The following METTL15 variants were observed in gnomAD, a reference collection of about 807,000 sequenced individuals.
METTL15 encodes 12S rRNA N(4)-cytidine methyltransferase METTL15.
METTL15 carries 34 observed loss-of-function variants against 38.3 expected under a neutral mutation model. The ratio of observed to expected loss-of-function variants is 0.89; its 90% CI spans 0.68 to 1.18. METTL15 has a LOEUF of 1.18. Among genes scored for constraint, METTL15 ranks in the 50% most tolerant of loss-of-function variants. The probability of loss-of-function intolerance (pLI) is 0.00; values close to 1 mark genes in which losing one functional copy is unlikely to be tolerated. For missense variants in METTL15, 438 were observed against 498.4 expected, an observed-to-expected ratio of 0.88 and a Z score of 1.15; for synonymous variants, 162 against 170.9, an observed-to-expected ratio of 0.95 and a Z score of 0.41.
chr11:28,270,369 A>G (rs1358287545), intron 4 of METTL15, among the ~76,000 whole-genome samples: 1 of 152,218 alleles, frequency 6.6e-6, no homozygotes, highest in African/African-American at 2.4e-5. Context: ...GGAGAACTCC[A>G]TATTGGTAAC....
chr11:28,365,410 T>C (rs190401654), intron 5 of METTL15, among the ~76,000 whole-genome samples: 137 of 152,294 alleles, frequency 9.0e-4, no homozygotes, highest in Non-Finnish European at 1.5e-3. Context: ...TAGGAGGTTG[T>C]GTTTCTAAGA....
At chr11:28,514,688 C>T (rs1177340565) in intron 6 of METTL15, among the ~76,000 whole-genome samples, 1 of 152,108 alleles carries the variant, frequency 6.6e-6, no homozygotes, top group Non-Finnish European at 1.5e-5. Context: ...GTGTTGACAC[C>T]TTCTATATCC....
At chr11:28,415,441 A>G (rs866860348) in intron 5 of METTL15, among the ~76,000 whole-genome samples, 1 of 152,220 alleles carries the variant, frequency 6.6e-6, no homozygotes, top group African/African-American at 2.4e-5. Context: ...TTAGAAATGG[A>G]AATATTACAT....
Position 28,140,964 on chromosome 11 carries a change from A to G in METTL15, c.270+27360A>G, listed in dbSNP as rs192972238. Among the ~76,000 whole-genome samples, 3 of 152,328 alleles carry G rather than the reference A, an allele frequency of 2.0e-5. No individual in the cohort carries two copies. The East Asian group carries it at 5.8e-4, about 29-fold the overall frequency. ...GATCCTTGCCTTACTGTATGCCTGA[A>G]GCTGGCTAACTCCTTTCATTATTAT... On this transcript the variant is annotated intron_variant, in intron 3 of 6. Transcript: ENST00000407364.
intron 3 of METTL15, among the ~76,000 whole-genome samples, chr11:28,196,623 T>G (rs1177515289): frequency 1.3e-5 from 2 of 151,982 alleles, no homozygotes; most frequent in African/African-American, 2.4e-5. Flanking sequence ...TTTCTGTATA[T>G]AAGATCATAT....
At chr11:28,323,533 G>A (rs974100186) in intron 6 of METTL15, among the ~76,000 whole-genome samples, 1 of 152,152 alleles carries the variant, frequency 6.6e-6, no homozygotes, top group African/African-American at 2.4e-5. Flanking sequence ...GGGCTATGAA[G>A]GTAGATCTTC....
At chr11:28,438,337 G>A (rs1057180117) in intron 6 of METTL15, among the ~76,000 whole-genome samples, 3 of 152,194 alleles carry the variant, frequency 2.0e-5, no homozygotes, top group Non-Finnish European at 4.4e-5. Flanking sequence ...TTCAGGCCAC[G>A]TAGGACTGGG....
At chr11:28,342,325 G>A (rs779747438) in intron 3 of METTL15, among the ~76,000 whole-genome samples, 2 of 151,978 alleles carry the variant, frequency 1.3e-5, no homozygotes, top group Non-Finnish European at 2.9e-5. Context: ...GTGCACAGAT[G>A]TGATCATGGC....
chr11:28,497,204 C>G (rs558743973), intron 6 of METTL15, among the ~76,000 whole-genome samples: 1 of 152,306 alleles, frequency 6.6e-6, no homozygotes, highest in African/African-American at 2.4e-5. Context: ...TTTTCTTTAG[C>G]TTTGTATCTA....
chr11:28,315,490 A>G (rs1226787245), intron 6 of METTL15, among the ~76,000 whole-genome samples: 1 of 152,228 alleles, frequency 6.6e-6, no homozygotes, highest in African/African-American at 2.4e-5. Context: ...TTATAAGAGA[A>G]GCAGAGCATA....
chr11:28,151,558 G>T (rs1453843369), intron 3 of METTL15, among the ~76,000 whole-genome samples: 1 of 151,884 alleles, frequency 6.6e-6, no homozygotes. Context: ...TCAGGTCTCT[G>T]ACTTTGCACT....
chr11:28,283,371 G>A (rs992565880), intron 4 of METTL15, among the ~76,000 whole-genome samples: 3 of 152,112 alleles, frequency 2.0e-5, no homozygotes, highest in African/African-American at 7.2e-5. Context: ...TTAGATTTCT[G>A]TAGCCAAGAT....
At chr11:28,319,931 TACAGAG>T (rs1849401856) in intron 6 of METTL15, among the ~76,000 whole-genome samples, 2 of 152,206 alleles carry the variant, frequency 1.3e-5, no homozygotes, top group Admixed American at 6.5e-5. Flanking sequence ...TGCTGTGCGA[TACAGAG>T]TCAATGTTCT....
intron 4 of METTL15, among the ~76,000 whole-genome samples, chr11:28,247,112 T>C (rs1187479560): frequency 6.6e-6 from 1 of 152,132 alleles, no homozygotes; most frequent in African/African-American, 2.4e-5. Context: ...TATTTCTAAA[T>C]ACCGTATCAA....
intron 3 of METTL15, among the ~76,000 whole-genome samples, chr11:28,340,019 CA>C (rs989696179): frequency 6.6e-6 from 1 of 151,880 alleles, no homozygotes; most frequent in Non-Finnish European, 1.5e-5. Context: ...GGTTACAAAG[CA>C]AAATACACAA....
intron 3 of METTL15, among the ~76,000 whole-genome samples, chr11:28,344,984 T>A (rs1199141431): frequency 6.6e-6 from 1 of 152,214 alleles, no homozygotes; most frequent in African/African-American, 2.4e-5. Flanking sequence ...TTTATATTCT[T>A]TTTTTGTTCA....
intron 6 of METTL15, among the ~76,000 whole-genome samples, chr11:28,435,040 G>A (rs1055318188): frequency 5.3e-5 from 8 of 152,112 alleles, no homozygotes; most frequent in Non-Finnish European, 5.9e-5. Flanking sequence ...GTACCAAAGG[G>A]GAAAGATATA....
chr11:28,212,066 A>AGT, intron 4 of METTL15, among the ~76,000 whole-genome samples: 1 of 152,172 alleles, frequency 6.6e-6, no homozygotes, highest in East Asian at 1.9e-4. Flanking sequence ...AAGTTCGAAA[A>AGT]GTATGACCAT....
intron 5 of METTL15, among the ~76,000 whole-genome samples, chr11:28,368,687 A>G (rs934564419): frequency 6.6e-6 from 1 of 152,220 alleles, no homozygotes; most frequent in Non-Finnish European, 1.5e-5. Context: ...ATTCTACTAT[A>G]AAGATGCATG....
Sources: gnomAD v4.1 joint callset for allele counts (sites outside exome capture counted in the v4.1 genomes callset) on GRCh38, gnomAD v4.1.1 for gene constraint, MANE v1.5 for transcripts, NCBI Gene and HGNC (gene_info 2026-07-23, HGNC 2026-07-21) for gene names.